ELF5: variants seen among roughly 807,000 people sequenced by gnomAD.
ELF5 encodes ETS-related transcription factor Elf-5.
In ELF5, 31 loss-of-function variants were observed where a neutral mutation model predicts 38.2. That is an observed-to-expected ratio of 0.81 (90% CI 0.61 to 1.10). The LOEUF (loss-of-function observed/expected upper bound fraction) is 1.10, where lower values mean the gene tolerates loss of function less well. ELF5 is among the 50% of genes least tolerant of loss of function. The pLI is 0.00. For synonymous variants in ELF5, 121 were observed against 112.5 expected (o/e 1.08, Z -0.48); for missense variants, 300 against 306.6 (o/e 0.98, Z 0.16).
chr11:34,511,442 A>T, intron 1 of ELF5: 3 of 1,502,268 alleles, frequency 2.0e-6, no homozygotes, highest in Non-Finnish European at 2.8e-6. Flanking sequence ...TGTAGTCATC[A>T]TTCTAGCTGC....
chr11:34,480,407 A>G (rs2133867322), intron 6 of ELF5, 93 bp from the exon 7 acceptor site: 1 of 1,011,480 alleles, frequency 9.9e-7, no homozygotes, highest in Non-Finnish European at 1.5e-6. Context: ...CTCTCAGGTG[A>G]CAAGGCTGGT....
At chr11:34,506,230 C>T (rs1850611233) in intron 1 of ELF5, among the ~76,000 whole-genome samples, 1 of 152,136 alleles carries the variant, frequency 6.6e-6, no homozygotes, top group Non-Finnish European at 1.5e-5. Flanking sequence ...CAAATTAAGT[C>T]AGGAACAGAA....
At chr11:34,480,342 T>C in intron 6 of ELF5, 28 bp from the exon 7 acceptor site, 1 of 1,551,566 alleles carries the variant, frequency 6.4e-7, no homozygotes, top group Non-Finnish European at 8.9e-7. Flanking sequence ...AGAGAAATTC[T>C]GGGAGAGCTT....
At chr11:34,504,781 C>T (rs753943358) in intron 2 of ELF5, among the ~76,000 whole-genome samples, 18 of 152,270 alleles carry the variant, frequency 1.2e-4, no homozygotes, top group Admixed American at 2.6e-4. Flanking sequence ...GGGCAAAGCT[C>T]GGCTGGCCTC....
At chr11:34,482,043 T>C (rs1856954267) in intron 5 of ELF5, among the ~76,000 whole-genome samples, 1 of 152,204 alleles carries the variant, frequency 6.6e-6, no homozygotes, top group South Asian at 2.1e-4. Context: ...TCCTCTGAGA[T>C]GAAGCCACAG....
At chr11:34,497,628 G>A (rs1280893391) in intron 2 of ELF5, among the ~76,000 whole-genome samples, 2 of 152,196 alleles carry the variant, frequency 1.3e-5, no homozygotes, top group Non-Finnish European at 2.9e-5. Context: ...GGCCCCATGT[G>A]GAGACAGTGG....
At chr11:34,480,394 T>C (rs569219698) in intron 6 of ELF5, 80 bp from the exon 7 acceptor site, 291 of 1,110,056 alleles carry the variant, frequency 2.6e-4, no homozygotes, top group Non-Finnish European at 3.6e-4. Context: ...TGTCTCCTCA[T>C]TCCTCTCAGG....
intron 4 of ELF5, among the ~76,000 whole-genome samples, chr11:34,484,970 A>AC (rs1849947830): frequency 6.6e-6 from 1 of 152,146 alleles, no homozygotes; most frequent in Non-Finnish European, 1.5e-5. Context: ...CATAGAGAGC[A>AC]CCTGTGAGTT....
In ELF5 at chr11:34,493,673, C is replaced by T. The variant is rs1392856104; in HGVS notation, c.161G>A (p.Trp54Ter). 6.2e-7 allele frequency: 1 copy of T among 1,614,082 alleles called. No individual in the cohort carries two copies. The highest frequency in any genetic ancestry group is 1.3e-5 in the African/African-American group (1 of 74,910). The change falls in exon 3 of 7, where the codon TGG becomes TAG. Residue 54 changes from tryptophan (W) to a stop codon, truncating the protein, a stop_gained. Transcript: ENST00000257832. LOFTEE classifies it high-confidence loss of function. ...CCACTCCCACACATGGCGCTTAGTC[C>T]AGTATTCAGGGTGGACTGATGTCCA... ...SYWTSVHPEY[W>*]TKRHVWEWLQ...
intron 2 of ELF5, among the ~76,000 whole-genome samples, chr11:34,500,644 T>C (rs1465542067): frequency 6.6e-6 from 1 of 152,274 alleles, no homozygotes; most frequent in Non-Finnish European, 1.5e-5. Flanking sequence ...TCCACTGGGC[T>C]AGAGGTGGCC....
At chr11:34,484,720 C>A (rs1015066346) in intron 4 of ELF5, among the ~76,000 whole-genome samples, 2 of 152,148 alleles carry the variant, frequency 1.3e-5, no homozygotes, top group African/African-American at 4.8e-5. Context: ...ATGAAGGCTG[C>A]ACATTAGATA....
intron 3 of ELF5, among the ~76,000 whole-genome samples, chr11:34,491,247 G>T (rs546151447): frequency 1.3e-5 from 2 of 152,134 alleles, no homozygotes; most frequent in Admixed American, 1.3e-4. Flanking sequence ...AGGCAGAAAC[G>T]ATGTCTCCTG....
intron 2 of ELF5, among the ~76,000 whole-genome samples, chr11:34,503,042 CACTT>C (rs976714537): frequency 5.3e-5 from 8 of 152,340 alleles, no homozygotes; most frequent in African/African-American, 1.9e-4. Flanking sequence ...CATAATATAA[CACTT>C]AATCATTTTA....
chr11:34,503,761 A>AT (rs1307604889), intron 2 of ELF5, among the ~76,000 whole-genome samples: 2 of 152,172 alleles, frequency 1.3e-5, no homozygotes, highest in Non-Finnish European at 2.9e-5. Flanking sequence ...TAATCCTTCA[A>AT]TTTTTTAAAC....
intron 2 of ELF5, among the ~76,000 whole-genome samples, chr11:34,496,882 G>A (rs1246689671): frequency 1.3e-5 from 2 of 152,180 alleles, no homozygotes; most frequent in Non-Finnish European, 2.9e-5. Context: ...AGGGAAAAGT[G>A]GCATTTTCCC....
intron 2 of ELF5, among the ~76,000 whole-genome samples, chr11:34,499,669 T>C (rs1850408270): frequency 6.6e-6 from 1 of 152,234 alleles, no homozygotes; most frequent in Admixed American, 6.5e-5. Flanking sequence ...TTTCCTCTGC[T>C]GATTGGGGAG....
intron 3 of ELF5, among the ~76,000 whole-genome samples, chr11:34,491,084 G>C (rs1415839420): frequency 6.6e-6 from 1 of 152,162 alleles, no homozygotes; most frequent in Non-Finnish European, 1.5e-5. Context: ...GCCTTATTCT[G>C]TGTCCTGTTC....
chr11:34,497,745 AT>A (rs1281050222), intron 2 of ELF5, among the ~76,000 whole-genome samples: 1 of 152,060 alleles, frequency 6.6e-6, no homozygotes, highest in African/African-American at 2.4e-5. Context: ...AAATCTCCTG[AT>A]TTCTATTTTC....
chr11:34,509,330 AAAC>A (rs965425175), intron 1 of ELF5, among the ~76,000 whole-genome samples: 4 of 151,998 alleles, frequency 2.6e-5, no homozygotes, highest in African/African-American at 7.3e-5. Context: ...TCTGTCTCGA[AAAC>A]AACAACAACA....
Sources: gnomAD v4.1 joint callset for allele counts (sites outside exome capture counted in the v4.1 genomes callset) on GRCh38, gnomAD v4.1.1 for gene constraint, MANE v1.5 for transcripts, NCBI Gene and HGNC (gene_info 2026-07-23, HGNC 2026-07-21) for gene names.